The following EVPL variants were observed in gnomAD, a reference collection of about 807,000 sequenced individuals.
The protein encoded by EVPL is envoplakin.
In EVPL, 94 loss-of-function variants were observed where a neutral mutation model predicts 129.7. The ratio of observed to expected loss-of-function variants is 0.72; its 90% CI spans 0.61 to 0.86. The LOEUF is 0.86. Among genes scored for constraint, EVPL ranks in the 40% least tolerant of loss-of-function variants. The probability of loss-of-function intolerance (pLI) is 0.00; values close to 1 mark genes in which losing one functional copy is unlikely to be tolerated. For synonymous variants in EVPL, 1,172 were observed against 1,191.1 expected, an observed-to-expected ratio of 0.98 and a Z score of 0.33; for missense variants, 2,625 against 2,721.1, an observed-to-expected ratio of 0.96 and a Z score of 0.79.
At position 76,022,181 on chromosome 17, in the gene EVPL, C is replaced by T; in HGVS notation, c.645+8G>A. The T allele has an allele frequency of 1.2e-6, 2 of 1,612,744 alleles. No homozygotes were observed. The highest frequency in any genetic ancestry group is 1.7e-6 in the Non-Finnish European group (2 of 1,179,754). On this transcript the variant is annotated splice_region_variant and intron_variant, in intron 6 of 21. Transcript: ENST00000301607. The surrounding 1 kb of genome is among the most constrained non-coding windows in gnomAD (Gnocchi z 5.6). Reference sequence around the variant, plus strand: ...CAGCCTCCCTGCCCGACCCTCCCTCCTGCTCACCAGTAGGTCTCGGTATTG... The same window carrying T: ...CAGCCTCCCTGCCCGACCCTCCCTCTTGCTCACCAGTAGGTCTCGGTATTG...
In EVPL at chr17:76,019,040, G is replaced by C; in HGVS notation, c.1158C>G (p.Ala386=). ...QQLEAEEKRL[A]VTERATGDLQ... ...GGTCCCCAGTGGCCCTCTCGGTGACGGCCAGCCGTTTTTCCTCTGCCTGCC... is the reference window on the plus strand; with the variant it reads ...GGTCCCCAGTGGCCCTCTCGGTGACCGCCAGCCGTTTTTCCTCTGCCTGCC... Residue 386 remains alanine (A), a synonymous_variant, in exon 11 of 22, where the codon GCC becomes GCG. Coordinates refer to ENST00000301607, the MANE Select transcript of EVPL (RefSeq NM_001988.4). The C allele has an allele frequency of 6.3e-7, 1 of 1,575,474 alleles. No homozygotes were observed. The highest frequency in any genetic ancestry group is 2.0e-5 in the Admixed American group (1 of 49,572).
At position 76,022,696 on chromosome 17, in the gene EVPL, C is replaced by T. The variant is rs1215886371; in HGVS notation, c.481-158G>A. ...GCATGCCCTGCAGCTCCCCCAGGGG[C>T]GAGGCCATTCTGCAGTGGCCCCTGA... On this transcript the variant is annotated intron_variant, in intron 4 of 21. Coordinates refer to ENST00000301607, the MANE Select transcript of EVPL (RefSeq NM_001988.4). This position sits in a 1 kb window ranked among gnomAD's most constrained non-coding sequence, Gnocchi z 5.6. 6.6e-6 allele frequency among the ~76,000 whole-genome samples: 1 copy of T among 152,150 alleles called. No individual in the cohort carries two copies. The highest frequency in any genetic ancestry group is 1.5e-5 in the Non-Finnish European group (1 of 68,022).
At position 76,017,852 on chromosome 17, in the gene EVPL, G is replaced by A. The variant is rs142143003; in HGVS notation, c.1597C>T (p.Arg533Trp). The A allele has an allele frequency of 7.1e-5, 114 of 1,613,946 alleles. No individual in the cohort carries two copies. The highest frequency in any genetic ancestry group is 6.2e-4 in the Admixed American group (37 of 60,010). The change falls in exon 14 of 22, where the codon CGG (arginine) becomes TGG (tryptophan). Residue 533 changes from arginine (R) to tryptophan (W), a missense_variant. Coordinates refer to ENST00000301607, the MANE Select transcript of EVPL (RefSeq NM_001988.4). Reference protein sequence around the residue: ...QAQKLLTQMTRLDGDLGQIER... With the variant: ...QAQKLLTQMTWLDGDLGQIER... ...ATCTGTCCCAGGTCTCCATCCAGCC[G>A]GGTCATCTGTGTCAGGAGCTTCTGG... is the stretch of plus-strand genomic sequence containing the variant.
intron 12 of EVPL, 27 bp downstream of exon 12, chr17:76,018,418 GC>G (rs778222039): frequency 1.3e-6 from 2 of 1,598,978 alleles, no homozygotes; most frequent in Admixed American, 3.5e-5. Context: ...CCCACAGCCT[GC>G]CCCTGAGTAT....
Position 76,019,558 on chromosome 17 carries a change from G to GCCAGGGGGGCCC in EVPL, c.1095_1106dup (p.Gly366_Gly369dup). ...GCTGTTGCAGCAGCTCTGTGGGGGC[G>GCCAGGGGGGCCC]CCAGGGGGGCCCCCAGGTGCAGGGC... On this transcript the variant is annotated inframe_insertion, in exon 10 of 22. Coordinates refer to ENST00000301607, the MANE Select transcript of EVPL (RefSeq NM_001988.4). 1.3e-6 allele frequency: 2 copies of GCCAGGGGGGCCC among 1,573,130 alleles called. No individual in the cohort carries two copies.
Position 76,018,447 on chromosome 17 carries a change from G to T in EVPL, c.1438C>A (p.Arg480=), listed in dbSNP as rs767921362. 6.2e-7 allele frequency: 1 copy of T among 1,611,100 alleles called. No homozygotes were observed. The highest frequency in any genetic ancestry group is 1.1e-5 in the South Asian group (1 of 90,722). The change falls in exon 12 of 22, where the codon CGG becomes AGG. Residue 480 remains arginine, a splice_region_variant and synonymous_variant. Transcript: ENST00000301607. The part of the protein sequence containing the change: ...PDPDAVARAS[R]LASELQALKQ... ...CTGAGTATCCCTACACAGACCTACC[G>T]GGAGGCCCTGGCCACAGCATCAGGG...
intron 19 of EVPL, 55 bp from the exon 20 acceptor site, chr17:76,011,937 G>A (rs1414637487): frequency 9.4e-6 from 15 of 1,601,262 alleles, no homozygotes; most frequent in Admixed American, 1.7e-5. Flanking sequence ...GGCTGGGTGT[G>A]GGGGATAGGG....
intron 18 of EVPL, 133 bp downstream of exon 18, chr17:76,014,293 C>A: frequency 8.0e-7 from 1 of 1,253,756 alleles, no homozygotes; most frequent in East Asian, 2.6e-5. Context: ...CAAAGAGGAG[C>A]ATTTCAGCTG....
At position 76,022,246 on chromosome 17, in the gene EVPL, G is replaced by A. The variant is rs1266798334; in HGVS notation, c.607-19C>T. The A allele has an allele frequency of 4.3e-6, 7 of 1,613,096 alleles. No homozygotes were observed. The highest frequency in any genetic ancestry group is 1.7e-6 in the Non-Finnish European group (2 of 1,179,868). On this transcript the variant is annotated intron_variant, in intron 5 of 21. Coordinates refer to ENST00000301607, the MANE Select transcript of EVPL (RefSeq NM_001988.4). This position sits in a 1 kb window ranked among gnomAD's most constrained non-coding sequence, Gnocchi z 5.6. ...CTGCATCCTGCCTCGACCAAGGGGAGAAACAAGCCCGTGAGAGGTGGGGTG... is the reference window on the plus strand; with the variant it reads ...CTGCATCCTGCCTCGACCAAGGGGAAAAACAAGCCCGTGAGAGGTGGGGTG...
rs751241976 is a variant in EVPL at position 76,022,515 on chromosome 17, G to C, written c.504C>G (p.Tyr168Ter). 5 of 1,609,200 alleles carry C rather than the reference G, an allele frequency of 3.1e-6. No homozygotes were observed. The highest frequency in any genetic ancestry group is 4.2e-6 in the Non-Finnish European group (5 of 1,178,324). ...QKQKQVCAGQ[Y>*]GPGMAELEQQ... The stretch of plus-strand genomic sequence containing the variant: ...GCTCCAGCTCCGCCATGCCCGGCCC[G>C]TACTGGCCTGCGCAGACCTGCTTCT... The change falls in exon 5 of 22, where the codon TAC becomes TAG. Residue 168 changes from tyrosine (Y) to a stop codon, truncating the protein, a stop_gained. Transcript: ENST00000301607. LOFTEE classifies it high-confidence loss of function. This position sits in a 1 kb window ranked among gnomAD's most constrained non-coding sequence, Gnocchi z 5.6.
chr17:76,020,940 A>G (rs754362244), intron 9 of EVPL, among the ~76,000 whole-genome samples: 1 of 152,136 alleles, frequency 6.6e-6, no homozygotes, highest in Non-Finnish European at 1.5e-5. Flanking sequence ...AAAAAGAGTT[A>G]AGATATTTTT....
chr17:76,007,507 G>A lies in EVPL; in HGVS notation c.5698C>T (p.Gln1900Ter). 1 of 1,613,730 alleles carries A rather than the reference G, an allele frequency of 6.2e-7. No homozygotes were observed. The highest frequency in any genetic ancestry group is 1.1e-5 in the South Asian group (1 of 91,086). Reference sequence around the variant, plus strand: ...TCCTCGATGCCGGTGAAGGCCTTCTGGGCGTTAAGCAGCCTCTGTGTGGAG... The same window carrying A: ...TCCTCGATGCCGGTGAAGGCCTTCTAGGCGTTAAGCAGCCTCTGTGTGGAG... Reference protein sequence around the residue: ...NTSTQRLLNAQKAFTGIEDPV... With the variant: ...NTSTQRLLNA The change falls in exon 22 of 22, where the codon CAG becomes TAG. Residue 1900 changes from glutamine to a stop codon, truncating the protein, a stop_gained. Transcript: ENST00000301607. LOFTEE classifies it low-confidence loss of function (END_TRUNC). This position sits in a 1 kb window ranked among gnomAD's most constrained non-coding sequence, Gnocchi z 8.8.
chr17:76,017,678 G>A, intron 14 of EVPL, 61 bp downstream of exon 14: 6 of 1,573,250 alleles, frequency 3.8e-6, no homozygotes, highest in Non-Finnish European at 5.2e-6. Context: ...CCTCCCTCAA[G>A]TGTGAGCACC....
chr17:76,010,308 G>A lies in EVPL; in HGVS notation c.2897C>T (p.Pro966Leu), dbSNP rs1179346221. The change falls in exon 22 of 22, where the codon CCC becomes CTC. Residue 966 changes from proline (P) to leucine (L), a missense_variant. Around this residue, in one of 4 missense-constraint regions of EVPL, gnomAD observed 1,453 missense variants for 1,511.8 expected, o/e 0.96. Transcript: ENST00000301607. ...EKEVVEFYRD[P>L]QLEGSLSRVK... is the part of the protein sequence containing the mutation. ...CCTGGACAGGCTGCCCTCCAGCTGGGGGTCCCGGTAGAACTCTACCACTTC... is the reference window on the plus strand; with the variant it reads ...CCTGGACAGGCTGCCCTCCAGCTGGAGGTCCCGGTAGAACTCTACCACTTC... The A allele has an allele frequency of 8.1e-6, 13 of 1,613,786 alleles. No homozygotes were observed. Among genetic ancestry groups the A allele is most frequent in the Non-Finnish European group, 1.1e-5 (13 of 1,180,020 alleles).
intron 10 of EVPL, 150 bp downstream of exon 10, chr17:76,019,378 A>G: frequency 9.6e-7 from 1 of 1,046,892 alleles, no homozygotes; most frequent in African/African-American, 1.7e-5. Flanking sequence ...GTACCTGGCC[A>G]GCCTCCTGCT....
intron 1 of EVPL, among the ~76,000 whole-genome samples, chr17:76,025,696 G>A (rs2144445386): frequency 6.6e-6 from 1 of 152,340 alleles, no homozygotes; most frequent in East Asian, 1.9e-4. Flanking sequence ...GGTGTCTGTT[G>A]GTGCCTTGAT....
In EVPL at chr17:76,015,763, C is replaced by G. The variant is rs539735237; in HGVS notation, c.1711-135G>C. 10 of 885,508 alleles carry G rather than the reference C, an allele frequency of 1.1e-5. No individual in the cohort carries two copies. The East Asian group carries it at 2.4e-4, about 21-fold the overall frequency. The allele number at this position is 885,508 out of a possible 1,614,324, so 54.9% of individuals were successfully genotyped here. On this transcript the variant is annotated intron_variant, in intron 14 of 21. Transcript: ENST00000301607. ...TGCTTGGGCTCAGGCCAGAGAACTG[C>G]GTTCAGTCCTGGCGCTACTCGTTCC...
chr17:76,009,167 G>T lies in EVPL; in HGVS notation c.4038C>A (p.Ala1346=). The T allele has an allele frequency of 6.2e-7, 1 of 1,607,702 alleles. No homozygotes were observed. The highest frequency in any genetic ancestry group is 8.5e-7 in the Non-Finnish European group (1 of 1,179,798). Residue 1346 remains alanine, a synonymous_variant, in exon 22 of 22, where the codon GCC becomes GCA. Coordinates refer to ENST00000301607, the MANE Select transcript of EVPL (RefSeq NM_001988.4). The surrounding 1 kb of genome is among the most constrained non-coding windows in gnomAD (Gnocchi z 5.9). The part of the protein sequence containing the change: ...EVREAAQKRR[A]AEDAVYELQS... ...GCAGCTCGTACACCGCGTCCTCCGC[G>T]GCCCGCCTCTTCTGGGCCGCCTCCC...
At position 76,022,154 on chromosome 17, in the gene EVPL, C is replaced by A. The variant is rs746836237; in HGVS notation, c.645+35G>T. On this transcript the variant is annotated intron_variant, in intron 6 of 21. Transcript: ENST00000301607. This position sits in a 1 kb window ranked among gnomAD's most constrained non-coding sequence, Gnocchi z 5.6. ...GTCCGGGCGGCCACCCAGGCCCACC[C>A]GCAGCCTCCCTGCCCGACCCTCCCT... The A allele has an allele frequency of 1.2e-6, 2 of 1,609,632 alleles. No individual in the cohort carries two copies. The highest frequency in any genetic ancestry group is 1.7e-6 in the Non-Finnish European group (2 of 1,178,774).
Sources: gnomAD v4.1 joint callset for allele counts (sites outside exome capture counted in the v4.1 genomes callset) on GRCh38, gnomAD v4.1.1 for gene constraint, gnomAD v4.1.1 regional missense constraint, Gnocchi (gnomAD v3.1) non-coding constraint, MANE v1.5 for transcripts, NCBI Gene and HGNC (gene_info 2026-07-23, HGNC 2026-07-21) for gene names.